VSIG1: variants seen among roughly 807,000 people sequenced by gnomAD.
VSIG1 encodes V-set and immunoglobulin domain containing 1, also known as V-set and immunoglobulin domain-containing protein 1.
A neutral mutation model predicts 20.1 loss-of-function variants in VSIG1; 11 were observed. The ratio of observed to expected loss-of-function variants is 0.55; its 90% CI spans 0.34 to 0.91. The LOEUF (loss-of-function observed/expected upper bound fraction) is 0.91. Ranked by LOEUF, VSIG1 falls within the 40% of genes least tolerant of loss-of-function variation. VSIG1 has a pLI of 0.02. For synonymous variants in VSIG1, 126 were observed against 116.7 expected (o/e 1.08, Z -0.52); for missense variants, 283 against 298.8 (o/e 0.95, Z 0.39).
Position 108,047,943 on chromosome X carries a change from T to TATATATACAC in VSIG1, c.49+2771_49+2772insCACATATATA, listed in dbSNP as rs1569287357. On this transcript the variant is annotated intron_variant, in intron 1 of 6. Coordinates refer to ENST00000217957, the MANE Select transcript of VSIG1 (RefSeq NM_182607.5). The stretch of plus-strand genomic sequence containing the variant: ...ACACATATATATATATACACATATA[T>TATATATACAC]ATATATATATACACACACATATATA... 3.9e-4 allele frequency among the ~76,000 whole-genome samples: 13 copies of TATATATACAC among 33,350 alleles called. 3 individuals carry two copies. The highest frequency in any genetic ancestry group is 2.1e-3 in the African/African-American group (11 of 5,229). The allele number at this position is 33,350 out of a possible 115,157, so 29.0% of individuals were successfully genotyped here.
chrX:108,056,978 G>A (rs1197829134), intron 1 of VSIG1, among the ~76,000 whole-genome samples: 2 of 112,261 alleles, frequency 1.8e-5, no homozygotes, highest in South Asian at 7.3e-4. Flanking sequence ...CCAAAAACTA[G>A]AAACAGCCCA....
At chrX:108,046,076 G>A (rs183949288) in intron 1 of VSIG1, among the ~76,000 whole-genome samples, 68 of 111,540 alleles carry the variant, frequency 6.1e-4, no homozygotes, top group Non-Finnish European at 1.1e-3. Context: ...GCTCATGGTG[G>A]TTGCCTCTGG....
intron 1 of VSIG1, among the ~76,000 whole-genome samples, chrX:108,047,873 C>A (rs868075288): frequency 4.0e-5 from 1 of 25,058 alleles, no homozygotes; most frequent in Non-Finnish European, 7.0e-5. Flanking sequence ...TATATATACA[C>A]ATATATATAT....
intron 5 of VSIG1, among the ~76,000 whole-genome samples, chrX:108,074,056 T>C (rs767638223): frequency 8.9e-6 from 1 of 112,016 alleles, no homozygotes; most frequent in African/African-American, 3.2e-5. Flanking sequence ...AATTGTCCAA[T>C]TGAGCTGACC....
chrX:108,028,286 T>G, the VSIG1 span, among the ~76,000 whole-genome samples: 1 of 111,229 alleles, frequency 9.0e-6, no homozygotes, highest in Non-Finnish European at 1.9e-5. Flanking sequence ...ATAGTGAACT[T>G]GGGCCTAAGG....
chrX:108,030,225 A>G, the VSIG1 span, among the ~76,000 whole-genome samples: 1 of 112,007 alleles, frequency 8.9e-6, no homozygotes, highest in African/African-American at 3.2e-5. Context: ...CTACATTATG[A>G]TCATCATCTA....
At chrX:108,022,522 T>A in the VSIG1 span, among the ~76,000 whole-genome samples, 1 of 111,964 alleles carries the variant, frequency 8.9e-6, no homozygotes, top group South Asian at 3.7e-4. Flanking sequence ...TTTTCCTATA[T>A]GGATGTCATT....
upstream of VSIG1, among the ~76,000 whole-genome samples, chrX:108,042,557 G>A (rs1334337450): frequency 9.0e-6 from 1 of 111,649 alleles, no homozygotes; most frequent in Non-Finnish European, 1.9e-5. Context: ...GGCATGGAAG[G>A]AAACACAGGA....
the VSIG1 span, among the ~76,000 whole-genome samples, chrX:108,024,355 A>G: frequency 9.0e-6 from 1 of 110,571 alleles, no homozygotes; most frequent in African/African-American, 3.3e-5. Flanking sequence ...AGTCTAGTTA[A>G]AAGTTTGTGA....
intron 1 of VSIG1, among the ~76,000 whole-genome samples, chrX:108,056,304 GC>G (rs1055340031): frequency 7.2e-5 from 8 of 111,729 alleles, no homozygotes; most frequent in African/African-American, 2.3e-4. Flanking sequence ...GTAACCTACA[GC>G]CAACATTATA....
the VSIG1 span, among the ~76,000 whole-genome samples, chrX:108,027,226 G>A: frequency 9.0e-6 from 1 of 111,564 alleles, no homozygotes; most frequent in African/African-American, 3.3e-5. Flanking sequence ...ATGCATAAAT[G>A]TTCAAGCAGC....
chrX:108,032,927 T>C, the VSIG1 span, among the ~76,000 whole-genome samples: 1 of 110,635 alleles, frequency 9.0e-6, no homozygotes. Context: ...CAGGGAGCTA[T>C]ATGTAGGACA....
intron 1 of VSIG1, among the ~76,000 whole-genome samples, chrX:108,050,130 T>C (rs2030752090): frequency 8.9e-6 from 1 of 112,658 alleles, no homozygotes; most frequent in African/African-American, 3.2e-5. Flanking sequence ...ACACAGATAT[T>C]GAATCCATGA....
At chrX:108,027,335 GAAGTA>G in the VSIG1 span, among the ~76,000 whole-genome samples, 1 of 112,170 alleles carries the variant, frequency 8.9e-6, no homozygotes, top group African/African-American at 3.2e-5. Context: ...TAAAAAGAAT[GAAGTA>G]ATGTATTGAT....
chrX:108,047,833 C>T (rs756572448), intron 1 of VSIG1, among the ~76,000 whole-genome samples: 119 of 45,169 alleles, frequency 2.6e-3, no homozygotes, highest in African/African-American at 3.5e-3. Context: ...TATATATACA[C>T]ATATATATAT....
chrX:108,044,927 C>A (rs775990798), upstream of VSIG1: 71 of 300,871 alleles, frequency 2.4e-4, no homozygotes, highest in Non-Finnish European at 3.5e-4. Flanking sequence ...AGGAAACACG[C>A]CCCATGAAAA....
At chrX:108,024,659 A>T in the VSIG1 span, among the ~76,000 whole-genome samples, 3 of 110,190 alleles carry the variant, frequency 2.7e-5, no homozygotes, top group Non-Finnish European at 3.8e-5. Flanking sequence ...CATCTTCATC[A>T]TCATCATTTC....
chrX:108,030,889 A>G, the VSIG1 span, among the ~76,000 whole-genome samples: 1 of 112,078 alleles, frequency 8.9e-6, no homozygotes, highest in Non-Finnish European at 1.9e-5. Flanking sequence ...AAGTGGAGAC[A>G]TAGGAAGGAA....
chrX:108,034,967 C>A, the VSIG1 span, among the ~76,000 whole-genome samples: 5 of 112,112 alleles, frequency 4.5e-5, no homozygotes, highest in East Asian at 2.8e-4. Context: ...CAATAAAAAA[C>A]ACACACACAC....
Sources: allele counts gnomAD v4.1 joint callset (sites outside exome capture counted in the v4.1 genomes callset), GRCh38; gene constraint gnomAD v4.1.1; transcripts MANE v1.5; gene names NCBI Gene and HGNC (gene_info 2026-07-23, HGNC 2026-07-21).